Variants in EBF3 observed in about 807,000 individuals in gnomAD.
EBF3 encodes EBF transcription factor 3.
Under a neutral mutation model 77.1 loss-of-function variants are expected in EBF3, and 18 were observed. The observed-to-expected ratio is 0.23, with a 90% CI of 0.16 to 0.35. The LOEUF is 0.35. EBF3 is among the 10% of genes least tolerant of loss of function. EBF3 has a pLI of 1.00. For synonymous variants in EBF3, 350 were observed against 343.5 expected, an observed-to-expected ratio of 1.02 and a Z score of -0.21; for missense variants, 558 against 860.0, an observed-to-expected ratio of 0.65 and a Z score of 4.39.
rs772559964 is a variant in EBF3 at position 129,842,040 on chromosome 10, G to A, written c.1372+76C>T. The A allele has an allele frequency of 4.4e-5, 70 of 1,585,930 alleles. No homozygotes were observed. The highest frequency in any genetic ancestry group is 2.1e-4 in the South Asian group (19 of 88,460). On this transcript the variant is annotated intron_variant, in intron 13 of 16. Coordinates refer to ENST00000440978, the MANE Select transcript of EBF3 (RefSeq NM_001375380.1). This position sits in a 1 kb window ranked among gnomAD's most constrained non-coding sequence, Gnocchi z 4.4. ...ACATTCCCCAGCTGGCCCTGGACAC[G>A]TGCCTCTTCAGCTAAGGCCTCAACC...
chr10:129,922,916 C>T (rs1856413000), intron 6 of EBF3, among the ~76,000 whole-genome samples: 1 of 152,210 alleles, frequency 6.6e-6, no homozygotes, highest in Non-Finnish European at 1.5e-5. Context: ...CCCCCCCGAC[C>T]ATGTGACCAG....
intron 6 of EBF3, among the ~76,000 whole-genome samples, chr10:129,881,698 C>G (rs1853223777): frequency 1.3e-5 from 2 of 152,182 alleles, no homozygotes; most frequent in Admixed American, 1.3e-4. Flanking sequence ...GTGGGAGGTT[C>G]CCTCTACTAA....
intron 6 of EBF3, among the ~76,000 whole-genome samples, chr10:129,892,601 C>T (rs768833007): frequency 6.6e-6 from 1 of 152,180 alleles, no homozygotes; most frequent in Non-Finnish European, 1.5e-5. Flanking sequence ...ATAAATATAG[C>T]ACAAGAATCA....
intron 6 of EBF3, among the ~76,000 whole-genome samples, chr10:129,946,041 GCT>G (rs1858195128): frequency 6.6e-6 from 1 of 151,912 alleles, no homozygotes; most frequent in African/African-American, 2.4e-5. Flanking sequence ...CCTGTTCCTG[GCT>G]CTGATTTGTT....
chr10:129,863,874 G>T lies in EBF3; in HGVS notation c.1039+3267C>A, dbSNP rs1851810309. Among the ~76,000 whole-genome samples the T allele has an allele frequency of 6.6e-6, 1 of 152,144 alleles. No homozygotes were observed. The highest frequency in any genetic ancestry group is 1.5e-5 in the Non-Finnish European group (1 of 68,028). ...AAATGGATATTCCTGTTAATGACTG[G>T]GGTGTGGGGGAGCCAATAGGTTAAC... On this transcript the variant is annotated intron_variant, in intron 10 of 16. Coordinates refer to ENST00000440978, the MANE Select transcript of EBF3 (RefSeq NM_001375380.1). This position sits in a 1 kb window ranked among gnomAD's most constrained non-coding sequence, Gnocchi z 4.0.
intron 6 of EBF3, among the ~76,000 whole-genome samples, chr10:129,929,420 G>T (rs1460226181): frequency 6.6e-6 from 1 of 152,032 alleles, no homozygotes; most frequent in African/African-American, 2.4e-5. Flanking sequence ...TGCCCAGGTT[G>T]GTTTCAAACT....
At chr10:129,889,693 A>T (rs1853872364) in intron 6 of EBF3, among the ~76,000 whole-genome samples, 1 of 151,912 alleles carries the variant, frequency 6.6e-6, no homozygotes, top group Non-Finnish European at 1.5e-5. Flanking sequence ...TTTGGGCAGA[A>T]GTTAAAAGAG....
intron 10 of EBF3, among the ~76,000 whole-genome samples, chr10:129,866,531 A>T (rs1389476216): frequency 6.6e-6 from 1 of 152,248 alleles, no homozygotes; most frequent in African/African-American, 2.4e-5. Context: ...AGCATGTGTA[A>T]CTGCATAGGC....
rs1033810895 is a variant in EBF3 at position 129,943,875 on chromosome 10, T to C, written c.554+13383A>G. 6.6e-6 allele frequency among the ~76,000 whole-genome samples: 1 copy of C among 152,234 alleles called. No individual in the cohort carries two copies. Among genetic ancestry groups the C allele is most frequent in the African/African-American group, 2.4e-5 (1 of 41,458 alleles). On this transcript the variant is annotated intron_variant, in intron 6 of 16. Coordinates refer to ENST00000440978, the MANE Select transcript of EBF3 (RefSeq NM_001375380.1). This position sits in a 1 kb window ranked among gnomAD's most constrained non-coding sequence, Gnocchi z 8.8. ...TGTTCAGCAACGTTATGGAGGGCGC[T>C]GGCCTTCGGCGCAGACCCAGCTGAA...
rs974633518 is a variant in EBF3, at chr10:129,955,897, A to T, written c.554+1361T>A. Among the ~76,000 whole-genome samples, 24 of 152,278 alleles carry T rather than the reference A, an allele frequency of 1.6e-4. 1 individual carries two copies. Among genetic ancestry groups the T allele is most frequent in the Non-Finnish European group, 8.8e-5 (6 of 68,054 alleles). On this transcript the variant is annotated intron_variant, in intron 6 of 16. Coordinates refer to ENST00000440978, the MANE Select transcript of EBF3 (RefSeq NM_001375380.1). ...TCCAATAGTTCAAACACTTCTAGCC[A>T]ATCAAGAAAATAAAATAAATTCAGT...
In EBF3 at chr10:129,947,698, A is replaced by G. The variant is rs911903124; in HGVS notation, c.554+9560T>C. 2.6e-5 allele frequency among the ~76,000 whole-genome samples: 4 copies of G among 151,936 alleles called. No individual in the cohort carries two copies. The highest frequency in any genetic ancestry group is 7.3e-5 in the African/African-American group (3 of 41,360). ...ACCAAATGCTTTGAAAAAAAAAAAAAAAGAAGGGCAGGACGGGCAAACTTC... is the reference window on the plus strand; with the variant it reads ...ACCAAATGCTTTGAAAAAAAAAAAAGAAGAAGGGCAGGACGGGCAAACTTC... On this transcript the variant is annotated intron_variant, in intron 6 of 16. Transcript: ENST00000440978. The surrounding 1 kb of genome is among the most constrained non-coding windows in gnomAD (Gnocchi z 4.5).
Position 129,873,497 on chromosome 10 carries a change from G to T in EBF3, c.736C>A (p.Arg246Ser). The change falls in exon 8 of 17, where the codon CGC becomes AGC. Residue 246 changes from arginine (R) to serine (S), a missense_variant. Physicochemically the swap from Arg to Ser is moderately radical, Grantham distance 110 (BLOSUM62 -1). Coordinates refer to ENST00000440978, the MANE Select transcript of EBF3 (RefSeq NM_001375380.1). ...GCCGTACCTTCTGACGGGTCTAGGC[G>T]GCGGGCCCGCCTCCCGTGTTTGGAA... ...NNSKHGRRARRLDPSEGTAPS... is the reference protein window; with the variant it reads ...NNSKHGRRARSLDPSEGTAPS... 1 of 1,592,576 alleles carries T rather than the reference G, an allele frequency of 6.3e-7. No individual in the cohort carries two copies. The highest frequency in any genetic ancestry group is 8.6e-7 in the Non-Finnish European group (1 of 1,166,988).
chr10:129,929,605 C>G (rs991879577), intron 6 of EBF3, among the ~76,000 whole-genome samples: 1 of 152,152 alleles, frequency 6.6e-6, no homozygotes, highest in Non-Finnish European at 1.5e-5. Context: ...ACATTCAAAT[C>G]AGTAATGCGT....
At chr10:129,946,870 T>C (rs1858265432) in intron 6 of EBF3, among the ~76,000 whole-genome samples, 1 of 152,250 alleles carries the variant, frequency 6.6e-6, no homozygotes, top group South Asian at 2.1e-4. Flanking sequence ...ATTTAGAACC[T>C]GCTTGTCAAA....
chr10:129,893,157 T>A (rs1413677921), intron 6 of EBF3, among the ~76,000 whole-genome samples: 1 of 152,234 alleles, frequency 6.6e-6, no homozygotes, highest in Admixed American at 6.5e-5. Context: ...CAATTTCAGC[T>A]TCATAAGTGG....
At chr10:129,933,195 C>T (rs764740922) in intron 6 of EBF3, among the ~76,000 whole-genome samples, 10 of 152,182 alleles carry the variant, frequency 6.6e-5, no homozygotes, top group Non-Finnish European at 1.2e-4. Context: ...GGAGCACACA[C>T]GCACACACGT....
intron 6 of EBF3, among the ~76,000 whole-genome samples, chr10:129,922,581 C>T (rs948301796): frequency 6.6e-6 from 1 of 152,236 alleles, no homozygotes; most frequent in African/African-American, 2.4e-5. Context: ...GACAGAAAGG[C>T]GTGCACCACA....
chr10:129,854,529 T>A (rs566854110), intron 10 of EBF3, among the ~76,000 whole-genome samples: 8 of 152,236 alleles, frequency 5.3e-5, no homozygotes, highest in Admixed American at 2.0e-4. Context: ...GCCTTCCTGA[T>A]ACGACGTGTA....
rs1850041299 is a variant in EBF3, at chr10:129,841,376, C to T, written c.1373-344G>A. Among the ~76,000 whole-genome samples the T allele has an allele frequency of 6.6e-6, 1 of 152,164 alleles. No homozygotes were observed. The highest frequency in any genetic ancestry group is 6.5e-5 in the Admixed American group (1 of 15,276). Reference sequence around the variant, plus strand: ...CTGTGAACTTTCGGCCTCTGTAGACCTTCAAATGCCATGACTGACAAGGAG... The same window carrying T: ...CTGTGAACTTTCGGCCTCTGTAGACTTTCAAATGCCATGACTGACAAGGAG... On this transcript the variant is annotated intron_variant, in intron 13 of 16. Coordinates refer to ENST00000440978, the MANE Select transcript of EBF3 (RefSeq NM_001375380.1). This position sits in a 1 kb window ranked among gnomAD's most constrained non-coding sequence, Gnocchi z 4.6.
Sources: allele counts gnomAD v4.1 joint callset (sites outside exome capture counted in the v4.1 genomes callset), GRCh38; gene constraint gnomAD v4.1.1; non-coding constraint Gnocchi (gnomAD v3.1); transcripts MANE v1.5; gene names NCBI Gene and HGNC (gene_info 2026-07-23, HGNC 2026-07-21).